The following NUCB2 variants were observed in gnomAD, a reference collection of about 807,000 sequenced individuals.
The protein encoded by NUCB2 is nucleobindin 2.
A neutral mutation model predicts 57.9 loss-of-function variants in NUCB2; 48 were observed. The ratio of observed to expected loss-of-function variants is 0.83; its 90% CI spans 0.66 to 1.05. The LOEUF (loss-of-function observed/expected upper bound fraction) is 1.05. Ranked by LOEUF, NUCB2 falls within the 50% of genes least tolerant of loss-of-function variation. The probability of loss-of-function intolerance (pLI) is 0.00; values close to 1 mark genes in which losing one functional copy is unlikely to be tolerated. For synonymous variants in NUCB2, 139 were observed against 152.1 expected (o/e 0.91, Z 0.64); for missense variants, 442 against 476.2 (o/e 0.93, Z 0.67).
At chr11:17,280,689 G>A (rs953453328) in intron 1 of NUCB2, among the ~76,000 whole-genome samples, 2 of 152,168 alleles carry the variant, frequency 1.3e-5, no homozygotes, top group South Asian at 4.1e-4. Context: ...GTCTATGATT[G>A]CATCAGGACT....
In NUCB2 at chr11:17,277,271, A is replaced by C. The variant is rs150585990; in HGVS notation, c.-156+443A>C. Among the ~76,000 whole-genome samples the C allele has an allele frequency of 1.9e-3, 283 of 152,300 alleles. 1 individual carries two copies. Among genetic ancestry groups the C allele is most frequent in the Non-Finnish European group, 1.6e-3 (112 of 68,020 alleles). On this transcript the variant is annotated intron_variant, in intron 1 of 13. Transcript: ENST00000529010. ...CTTCTCCGGTCTGGTTAAGCCAGCA[A>C]CCTCTGACACTTAGGAGAAAGTTAG...
chr11:17,288,896 C>T (rs1350311588), intron 2 of NUCB2, among the ~76,000 whole-genome samples: 3 of 51,596 alleles, frequency 5.8e-5, no homozygotes, highest in African/African-American at 4.5e-4. Flanking sequence ...CACACACACA[C>T]ACACACACAC....
At chr11:17,297,511 G>A (rs1291846994) in intron 4 of NUCB2, among the ~76,000 whole-genome samples, 1 of 152,130 alleles carries the variant, frequency 6.6e-6, no homozygotes, top group Non-Finnish European at 1.5e-5. Flanking sequence ...CTCTTCTTCT[G>A]AAGGATTAAT....
At chr11:17,327,474 G>A (rs1424207789) in intron 11 of NUCB2, among the ~76,000 whole-genome samples, 1 of 152,052 alleles carries the variant, frequency 6.6e-6, no homozygotes, top group African/African-American at 2.4e-5. Context: ...CTTGAATGTT[G>A]AAATATTTTT....
At chr11:17,315,804 A>G (rs1178481445) in intron 11 of NUCB2, among the ~76,000 whole-genome samples, 1 of 152,186 alleles carries the variant, frequency 6.6e-6, no homozygotes, top group Non-Finnish European at 1.5e-5. Flanking sequence ...TACTAATCAG[A>G]GGTAGATTCT....
chr11:17,295,613 T>G (rs770238627), intron 3 of NUCB2, 146 bp downstream of exon 3: 67 of 666,816 alleles, frequency 1.0e-4, no homozygotes, highest in Non-Finnish European at 1.5e-4. Context: ...TTATTACTTA[T>G]AAAATTGTAC....
intron 5 of NUCB2, among the ~76,000 whole-genome samples, chr11:17,304,160 CATTT>C (rs1209575102): frequency 6.6e-6 from 1 of 151,700 alleles, no homozygotes; most frequent in Non-Finnish European, 1.5e-5. Flanking sequence ...CAAGCCAAAA[CATTT>C]ATTTATTTTT....
chr11:17,332,512 C>T (rs927992863), downstream of NUCB2: 1 of 147,996 alleles, frequency 6.8e-6, no homozygotes. Flanking sequence ...AGAGAGAAAA[C>T]ACTCACCCCT....
In NUCB2 at chr11:17,330,253, C is replaced by T. The variant is rs771755760; in HGVS notation, c.1129C>T (p.Arg377Cys). Residue 377 changes from arginine to cysteine, a missense_variant, in exon 12 of 14, where the codon CGT (arginine) becomes TGT (cysteine). Physicochemically the swap from Arg to Cys is radical, Grantham distance 180. Transcript: ENST00000529010. This position sits in a 1 kb window ranked among gnomAD's most constrained non-coding sequence, Gnocchi z 4.3. The part of the protein sequence containing the change: ...ELQKQKEELQ[R>C]QHDQLEAQKL... ...TCAGAAACAAAAAGAAGAGCTACAA[C>T]GTCAGCATGATCAACTGGAGGCTCA... 5.0e-6 allele frequency: 8 copies of T among 1,610,870 alleles called. No homozygotes were observed. The highest frequency in any genetic ancestry group is 2.7e-5 in the African/African-American group (2 of 74,700).
chr11:17,287,550 G>C (rs568952278), intron 2 of NUCB2, among the ~76,000 whole-genome samples: 37 of 151,680 alleles, frequency 2.4e-4, no homozygotes, highest in Non-Finnish European at 4.1e-4. Context: ...GCGCACACTT[G>C]TAGTCCTAGC....
chr11:17,333,665 C>T (rs2139521144), downstream of NUCB2: 1 of 152,288 alleles, frequency 6.6e-6, no homozygotes, highest in South Asian at 2.1e-4. Context: ...TTAATCTGAT[C>T]TCTTCCCCTA....
At chr11:17,289,811 G>T (rs1055764613) in intron 2 of NUCB2, among the ~76,000 whole-genome samples, 1 of 152,132 alleles carries the variant, frequency 6.6e-6, no homozygotes, top group Non-Finnish European at 1.5e-5. Context: ...GCATGTAAAA[G>T]AACATCAGGA....
At position 17,311,261 on chromosome 11, in the gene NUCB2, C is replaced by T; in HGVS notation, c.738C>T (p.Pro246=). 1 of 1,606,270 alleles carries T rather than the reference C, an allele frequency of 6.2e-7. No individual in the cohort carries two copies. The highest frequency in any genetic ancestry group is 8.5e-7 in the Non-Finnish European group (1 of 1,175,764). The change falls in exon 8 of 14, where the codon CCC becomes CCT. Residue 246 remains proline (P), a synonymous_variant. Coordinates refer to ENST00000529010, the MANE Select transcript of NUCB2 (RefSeq NM_005013.4). The part of the protein sequence containing the change: ...TDGLDPNDFD[P]KTFFKLHDVN... ...GATTGGATCCTAATGACTTTGACCC[C>T]AAGACATTTTTCAAATTACATGGTA...
At chr11:17,344,738 T>G (rs1034534273) in intron 2 of NUCB2, among the ~76,000 whole-genome samples, 4 of 152,252 alleles carry the variant, frequency 2.6e-5, no homozygotes, top group African/African-American at 9.6e-5. Flanking sequence ...CTAAAAGATT[T>G]ATATAAATGA....
Position 17,298,030 on chromosome 11 carries a change from C to T in NUCB2, c.252+1819C>T, listed in dbSNP as rs1490921581. 4.1e-5 allele frequency among the ~76,000 whole-genome samples: 6 copies of T among 146,670 alleles called. No homozygotes were observed. In the South Asian group the frequency reaches 6.4e-4, roughly 16 times the overall value. The stretch of plus-strand genomic sequence containing the variant: ...CTGGGCGGCAGAGGTTGCAGTGAGC[C>T]GAGATTGTTCCACTGCACTTCAGCC... On this transcript the variant is annotated intron_variant, in intron 4 of 13. Transcript: ENST00000529010.
chr11:17,279,436 G>C (rs1942072146), intron 1 of NUCB2, among the ~76,000 whole-genome samples: 1 of 152,130 alleles, frequency 6.6e-6, no homozygotes, highest in African/African-American at 2.4e-5. Flanking sequence ...TTAGATTACA[G>C]TAGTCCTCCT....
intron 2 of NUCB2, among the ~76,000 whole-genome samples, chr11:17,292,088 A>G (rs1945039774): frequency 6.6e-6 from 1 of 152,160 alleles, no homozygotes; most frequent in Admixed American, 6.5e-5. Context: ...TACTAAAAAG[A>G]ATAAATAGAT....
chr11:17,308,418 G>A (rs1948010649), intron 5 of NUCB2, among the ~76,000 whole-genome samples: 1 of 152,150 alleles, frequency 6.6e-6, no homozygotes, highest in Non-Finnish European at 1.5e-5. Flanking sequence ...GCATATACAT[G>A]TTAAATGTAC....
intron 4 of NUCB2, among the ~76,000 whole-genome samples, chr11:17,298,497 G>A (rs1050556711): frequency 3.9e-5 from 6 of 151,944 alleles, no homozygotes; most frequent in East Asian, 1.9e-4. Context: ...GAGCCCAGGA[G>A]TTTGAGGTTG....
Sources: gnomAD v4.1 joint callset for allele counts (sites outside exome capture counted in the v4.1 genomes callset) on GRCh38, gnomAD v4.1.1 for gene constraint, Gnocchi (gnomAD v3.1) non-coding constraint, MANE v1.5 for transcripts, NCBI Gene and HGNC (gene_info 2026-07-23, HGNC 2026-07-21) for gene names.